YTHDC1: variants seen among roughly 807,000 people sequenced by gnomAD.
YTHDC1 encodes YTH N6-methyladenosine RNA binding protein C1.
Under a neutral mutation model 107.0 loss-of-function variants are expected in YTHDC1, and 12 were observed. That is an observed-to-expected ratio of 0.11 (90% CI 0.07 to 0.18). YTHDC1 has a LOEUF of 0.18. Ranked by LOEUF, YTHDC1 falls within the 10% of genes least tolerant of loss-of-function variation. YTHDC1 has a pLI of 1.00. For missense variants in YTHDC1, 635 were observed against 898.8 expected (o/e 0.71, Z 3.75); for synonymous variants, 280 against 289.5 (o/e 0.97, Z 0.33).
intron 8 of YTHDC1, 22 bp downstream of exon 8, chr4:68,330,180 T>C: frequency 6.4e-7 from 1 of 1,574,330 alleles, no homozygotes; most frequent in Non-Finnish European, 8.7e-7. Context: ...TTTTTATATG[T>C]CCAAATTATT....
rs1725539157 is a variant in YTHDC1, at chr4:68,347,145, G to A, written c.28+2581C>T. The stretch of plus-strand genomic sequence containing the variant: ...AAGACAGATGTACTCCGGGCACTCA[G>A]GGAGCTTCTAGTCTGGTAATCTAGA... On this transcript the variant is annotated intron_variant, in intron 1 of 16. Coordinates refer to ENST00000344157, the MANE Select transcript of YTHDC1 (RefSeq NM_001031732.4). Among the ~76,000 whole-genome samples the A allele has an allele frequency of 2.0e-5, 3 of 152,282 alleles. No individual in the cohort carries two copies. The South Asian group carries it at 6.2e-4, about 32-fold the overall frequency.
At chr4:68,345,660 G>A (rs965031128) in intron 1 of YTHDC1, among the ~76,000 whole-genome samples, 2 of 151,940 alleles carry the variant, frequency 1.3e-5, no homozygotes, top group African/African-American at 4.8e-5. Context: ...TTATACTATA[G>A]GTAAAATAAA....
chr4:68,318,396 C>A (rs1258706130), intron 15 of YTHDC1, 123 bp downstream of exon 15: 3 of 980,630 alleles, frequency 3.1e-6, no homozygotes, highest in Admixed American at 5.8e-5. Context: ...GTGTGAGCCA[C>A]GGCGCCTGGC....
At chr4:68,319,184 A>G (rs1467450993) in intron 12 of YTHDC1, among the ~76,000 whole-genome samples, 4 of 152,208 alleles carry the variant, frequency 2.6e-5, no homozygotes, top group African/African-American at 9.6e-5. Context: ...AACTATCTTG[A>G]GCACACTATG....
intron 9 of YTHDC1, among the ~76,000 whole-genome samples, chr4:68,329,337 C>G (rs1456185749): frequency 6.6e-6 from 1 of 152,078 alleles, no homozygotes; most frequent in Non-Finnish European, 1.5e-5. Context: ...CTTTTTCATC[C>G]GACCCCTTCA....
rs777342835 is a variant in YTHDC1, at chr4:68,330,296, C to T, written c.1137G>A (p.Thr379=). 1.4e-5 allele frequency: 23 copies of T among 1,595,032 alleles called. No homozygotes were observed. Among genetic ancestry groups the T allele is most frequent in the Admixed American group, 3.4e-5 (2 of 58,308 alleles). ...TTAATTTCTTCTCATTTACAGGGAGCGTGGACCATACACCCTACATAAATA... is the reference window on the plus strand; with the variant it reads ...TTAATTTCTTCTCATTTACAGGGAGTGTGGACCATACACCCTACATAAATA... The part of the protein sequence containing the change: ...SLAKAKGVWS[T]LPVNEKKLNL... The change falls in exon 8 of 17, where the codon ACG becomes ACA. Residue 379 remains threonine (T), a synonymous_variant. Coordinates refer to ENST00000344157, the MANE Select transcript of YTHDC1 (RefSeq NM_001031732.4).
At position 68,337,181 on chromosome 4, in the gene YTHDC1, C is replaced by T. The variant is rs1553905971; in HGVS notation, c.729G>A (p.Glu243=). 4.4e-6 allele frequency: 7 copies of T among 1,606,450 alleles called. 1 individual carries two copies. The highest frequency in any genetic ancestry group is 6.0e-6 in the Non-Finnish European group (7 of 1,173,700). The change falls in exon 4 of 17, where the codon GAG becomes GAA. Residue 243 remains glutamate, a synonymous_variant. Coordinates refer to ENST00000344157, the MANE Select transcript of YTHDC1 (RefSeq NM_001031732.4). ...GTTCATATTCTTCTTCTTCCTCCTC[C>T]TCCTCCTCCTCTTCCTCCTCCTCCT... ...EEEEEEEEEE[E]EEEEEEYEQD...
rs1560467357 is a variant in YTHDC1, at chr4:68,314,171, A to G, written c.2112T>C (p.Asp704=). 3.1e-6 allele frequency: 5 copies of G among 1,613,292 alleles called. No individual in the cohort carries two copies. The highest frequency in any genetic ancestry group is 1.1e-5 in the South Asian group (1 of 90,984). The stretch of plus-strand genomic sequence containing the variant: ...ATAATCGCTCTCTTTCTCTTTCTCT[A>G]TCACGTCCTCTATCTCGCTCTCTGT... The part of the protein sequence containing the change: ...RRDRERDRGR[D]RERERERLCD... Residue 704 remains aspartate (D), a synonymous_variant, in exon 17 of 17, where the codon GAT becomes GAC. Transcript: ENST00000344157.
chr4:68,327,088 T>C (rs966034607), intron 9 of YTHDC1, among the ~76,000 whole-genome samples: 1 of 151,188 alleles, frequency 6.6e-6, no homozygotes, highest in Non-Finnish European at 1.5e-5. Context: ...AATAAAAAAT[T>C]AGCCGGGCGT....
In YTHDC1 at chr4:68,318,528, C is replaced by A. The variant is rs1361358658; in HGVS notation, c.1815G>T (p.Trp605Cys). Residue 605 changes from tryptophan to cysteine, a missense_variant, in exon 15 of 17, where the codon TGG (tryptophan) becomes TGT (cysteine). This residue lies in a region of YTHDC1 where 256 missense variants were observed against 372.9 expected (regional missense o/e 0.69). Transcript: ENST00000344157. ...EFHNMGPPPP[W>C]QGMPPYPGME... The stretch of plus-strand genomic sequence containing the variant: ...ATAGAATAATACAAACCATTCCTTG[C>A]CAAGGTGGTGGTGGTCCCATGTTAT... The A allele has an allele frequency of 6.2e-7, 1 of 1,611,210 alleles. No individual in the cohort carries two copies. The highest frequency in any genetic ancestry group is 1.3e-5 in the African/African-American group (1 of 74,750).
chr4:68,319,200 A>T lies in YTHDC1; in HGVS notation c.1685-338T>A, dbSNP rs571535872. 2.6e-5 allele frequency among the ~76,000 whole-genome samples: 4 copies of T among 152,312 alleles called. No individual in the cohort carries two copies. In the East Asian group the frequency reaches 7.7e-4, roughly 29 times the overall value. On this transcript the variant is annotated intron_variant, in intron 12 of 16. Transcript: ENST00000344157. The stretch of plus-strand genomic sequence containing the variant: ...ACTATCTTGAGCACACTATGACAGG[A>T]CTTCCTTAAAACAAATGTTTACTTT...
At chr4:68,345,217 G>A (rs1725281850) in intron 1 of YTHDC1, among the ~76,000 whole-genome samples, 2 of 152,068 alleles carry the variant, frequency 1.3e-5, no homozygotes, top group African/African-American at 4.8e-5. Context: ...TAACTCTAGG[G>A]ATATCAGGGT....
chr4:68,323,578 T>C (rs1355204108), intron 10 of YTHDC1, among the ~76,000 whole-genome samples: 1 of 151,954 alleles, frequency 6.6e-6, no homozygotes, highest in African/African-American at 2.4e-5. Flanking sequence ...AATACAAAAA[T>C]TAGCCACTCT....
rs781715883 is a variant in YTHDC1, at chr4:68,318,536, G to A, written c.1807C>T (p.Pro603Ser). ...ATACAAACCATTCCTTGCCAAGGTG[G>A]TGGTGGTCCCATGTTATGAAATTCC... ...VREFHNMGPPPPWQGMPPYPG... is the reference protein window; with the variant it reads ...VREFHNMGPPSPWQGMPPYPG... The change falls in exon 15 of 17, where the codon CCA becomes TCA. Residue 603 changes from proline (P) to serine (S), a missense_variant. Coordinates refer to ENST00000344157, the MANE Select transcript of YTHDC1 (RefSeq NM_001031732.4). 11 of 1,612,518 alleles carry A rather than the reference G, an allele frequency of 6.8e-6. No individual in the cohort carries two copies. Among genetic ancestry groups the A allele is most frequent in the Non-Finnish European group, 6.8e-6 (8 of 1,179,334 alleles).
chr4:68,326,091 T>C (rs1467428178), intron 9 of YTHDC1, among the ~76,000 whole-genome samples: 2 of 152,144 alleles, frequency 1.3e-5, no homozygotes, highest in East Asian at 3.8e-4. Flanking sequence ...AGGAAAGGCA[T>C]AAATGAAAAC....
intron 9 of YTHDC1, among the ~76,000 whole-genome samples, chr4:68,329,370 A>G (rs988638460): frequency 5.9e-5 from 9 of 152,124 alleles, no homozygotes; most frequent in Admixed American, 1.3e-4. Context: ...TCTAATACCC[A>G]AAAACAACTT....
At chr4:68,319,314 A>G (rs544757836) in intron 12 of YTHDC1, among the ~76,000 whole-genome samples, 1 of 152,314 alleles carries the variant, frequency 6.6e-6, no homozygotes, top group Admixed American at 6.5e-5. Context: ...AAAAATTGCA[A>G]AAGTTGCAAA....
chr4:68,327,014 A>G (rs1194471060), intron 9 of YTHDC1, among the ~76,000 whole-genome samples: 1 of 150,574 alleles, frequency 6.6e-6, no homozygotes, highest in African/African-American at 2.4e-5. Flanking sequence ...AGGCGGGCGG[A>G]TCACCTGAGG....
In YTHDC1 at chr4:68,322,469, T is replaced by C. The variant is rs895838707; in HGVS notation, c.1601+280A>G. ...CAACAAATGCCTACCTCATTTCAAT[T>C]GTATACATTGTATTATCAGAGTATT... On this transcript the variant is annotated intron_variant, in intron 11 of 16. Coordinates refer to ENST00000344157, the MANE Select transcript of YTHDC1 (RefSeq NM_001031732.4). This position sits in a 1 kb window ranked among gnomAD's most constrained non-coding sequence, Gnocchi z 4.8. 1.7e-5 allele frequency: 6 copies of C among 353,042 alleles called. No individual in the cohort carries two copies. The highest frequency in any genetic ancestry group is 4.2e-5 in the African/African-American group (2 of 47,900). The allele number at this position is 353,042 out of a possible 1,614,324, so 21.9% of individuals were successfully genotyped here.
Sources: allele counts gnomAD v4.1 joint callset (sites outside exome capture counted in the v4.1 genomes callset), GRCh38; gene constraint gnomAD v4.1.1; regional missense constraint gnomAD v4.1.1; non-coding constraint Gnocchi (gnomAD v3.1); transcripts MANE v1.5; gene names NCBI Gene and HGNC (gene_info 2026-07-23, HGNC 2026-07-21).